SLC71A2: variants seen among roughly 807,000 people sequenced by gnomAD.
The protein encoded by SLC71A2 is solute carrier family 71 member 2, also known as hippocampus abundant transcript-like 1.
chr9:94,428,126 A>G, the SLC71A2 span, among the ~76,000 whole-genome samples: 2 of 152,098 alleles, frequency 1.3e-5, no homozygotes, highest in African/African-American at 4.8e-5. Context: ...ATCTCCAAAA[A>G]AAAAAAAAAG....
the SLC71A2 span, among the ~76,000 whole-genome samples, chr9:94,447,903 A>G: frequency 6.6e-6 from 1 of 152,042 alleles, no homozygotes; most frequent in African/African-American, 2.4e-5. Flanking sequence ...CTTTTTTCAT[A>G]CAGTATGTAG....
At chr9:94,434,254 C>T in the SLC71A2 span, among the ~76,000 whole-genome samples, 2 of 152,126 alleles carry the variant, frequency 1.3e-5, no homozygotes, top group Non-Finnish European at 2.9e-5. Flanking sequence ...GTGTTTACCA[C>T]TAATGTGCAA....
At chr9:94,390,813 A>C in the SLC71A2 span, among the ~76,000 whole-genome samples, 3 of 152,186 alleles carry the variant, frequency 2.0e-5, no homozygotes, top group East Asian at 3.8e-4. Flanking sequence ...GATACATGCA[A>C]GGCTGGTTGA....
At chr9:94,391,058 C>T in the SLC71A2 span, among the ~76,000 whole-genome samples, 5 of 151,840 alleles carry the variant, frequency 3.3e-5, 1 homozygote, top group Non-Finnish European at 2.9e-5. Context: ...GAGAAAAGAG[C>T]TTCTGGACCA....
At chr9:94,413,167 G>A in the SLC71A2 span, among the ~76,000 whole-genome samples, 5 of 151,636 alleles carry the variant, frequency 3.3e-5, 1 homozygote, top group Admixed American at 3.3e-4. Context: ...AACTGACTTA[G>A]ATTGGAAGAG....
At chr9:94,456,071 A>G in the SLC71A2 span, among the ~76,000 whole-genome samples, 5 of 152,252 alleles carry the variant, frequency 3.3e-5, no homozygotes, top group East Asian at 9.6e-4. Context: ...CTCCAGTGTC[A>G]CATGTAACCT....
chr9:94,409,856 T>C, the SLC71A2 span, among the ~76,000 whole-genome samples: 2 of 149,282 alleles, frequency 1.3e-5, no homozygotes, highest in Non-Finnish European at 3.0e-5. Context: ...TATTCAAACT[T>C]GTTTTACAGT....
chr9:94,450,009 G>C, the SLC71A2 span, among the ~76,000 whole-genome samples: 1 of 152,204 alleles, frequency 6.6e-6, no homozygotes, highest in East Asian at 1.9e-4. Context: ...GCCCAGAATA[G>C]GCAAATCCAT....
the SLC71A2 span, among the ~76,000 whole-genome samples, chr9:94,443,907 T>C: frequency 6.6e-6 from 1 of 152,216 alleles, no homozygotes; most frequent in Non-Finnish European, 1.5e-5. Flanking sequence ...TCAGTAAATA[T>C]TGAACAAAGG....
the SLC71A2 span, chr9:94,444,896 G>GGT: frequency 6.8e-7 from 1 of 1,474,356 alleles, no homozygotes; most frequent in Admixed American, 1.7e-5. Flanking sequence ...GGCAGACCTG[G>GGT]GTAAGGATAT....
chr9:94,422,627 A>G, the SLC71A2 span, among the ~76,000 whole-genome samples: 5 of 152,252 alleles, frequency 3.3e-5, no homozygotes, highest in Non-Finnish European at 7.4e-5. Context: ...GGCAGACTCC[A>G]TGTCTTCACC....
chr9:94,419,561 T>A, the SLC71A2 span, among the ~76,000 whole-genome samples: 1 of 152,200 alleles, frequency 6.6e-6, no homozygotes, highest in Non-Finnish European at 1.5e-5. Flanking sequence ...CACCTCGGCC[T>A]CCCAAAGTGC....
the SLC71A2 span, among the ~76,000 whole-genome samples, chr9:94,422,401 T>G: frequency 1.3e-5 from 2 of 152,268 alleles, no homozygotes; most frequent in South Asian, 4.1e-4. Flanking sequence ...TGGAGTCTAT[T>G]GACACAAATC....
At chr9:94,395,501 G>T in the SLC71A2 span, among the ~76,000 whole-genome samples, 2 of 152,102 alleles carry the variant, frequency 1.3e-5, no homozygotes, top group Admixed American at 6.6e-5. Context: ...TATTGCTGAG[G>T]ACCTGGACTC....
At chr9:94,383,128 AAT>A in the SLC71A2 span, among the ~76,000 whole-genome samples, 25 of 150,580 alleles carry the variant, frequency 1.7e-4, no homozygotes, top group African/African-American at 5.8e-4. Flanking sequence ...TTTGCTGAAA[AAT>A]ATGTTTTTAT....
the SLC71A2 span, among the ~76,000 whole-genome samples, chr9:94,384,763 A>C: frequency 1.3e-5 from 2 of 152,144 alleles, no homozygotes; most frequent in Non-Finnish European, 2.9e-5. Flanking sequence ...TTTGAAACTT[A>C]ATTGCCATTG....
the SLC71A2 span, among the ~76,000 whole-genome samples, chr9:94,416,457 G>A: frequency 1.3e-5 from 2 of 152,284 alleles, no homozygotes; most frequent in South Asian, 4.1e-4. Context: ...CTTAAATAAG[G>A]TTTAGACAGC....
chr9:94,404,072 A>G, the SLC71A2 span, among the ~76,000 whole-genome samples: 1 of 152,140 alleles, frequency 6.6e-6, no homozygotes, highest in African/African-American at 2.4e-5. Context: ...ATGCTGTAAG[A>G]CTGTCCACCC....
the SLC71A2 span, among the ~76,000 whole-genome samples, chr9:94,431,631 C>G: frequency 6.6e-6 from 1 of 151,756 alleles, no homozygotes; most frequent in East Asian, 1.9e-4. Context: ...ACTGAGAACA[C>G]TGGACTTAGA....
Sources: gnomAD v4.1 joint callset for allele counts (sites outside exome capture counted in the v4.1 genomes callset) on GRCh38, gnomAD v4.1.1 for gene constraint, MANE v1.5 for transcripts, NCBI Gene and HGNC (gene_info 2026-07-23, HGNC 2026-07-21) for gene names.